POMT1: variants seen among roughly 807,000 people sequenced by gnomAD.
POMT1 encodes the protein protein O-mannosyltransferase 1.
A neutral mutation model predicts 101.6 loss-of-function variants in POMT1; 85 were observed. That is an observed-to-expected ratio of 0.84 (90% CI 0.70 to 1.00). POMT1 has a LOEUF of 1.00. Among genes scored for constraint, POMT1 ranks in the 50% least tolerant of loss-of-function variants. POMT1 has a pLI of 0.00. For synonymous variants in POMT1, 371 were observed against 383.0 expected, an observed-to-expected ratio of 0.97 and a Z score of 0.37; for missense variants, 857 against 930.4, an observed-to-expected ratio of 0.92 and a Z score of 1.03.
intron 9 of POMT1, 83 bp downstream of exon 9, chr9:131,510,498 A>G: frequency 6.8e-7 from 1 of 1,471,918 alleles, no homozygotes; most frequent in South Asian, 1.1e-5. Flanking sequence ...CATCAAGTGA[A>G]CATTAGCACT....
chr9:131,519,247 A>G lies in POMT1; in HGVS notation c.1487-142A>G. Reference sequence around the variant, plus strand: ...CGGGCAGTCTTGGGTGTGGTGGGGAAAGCTAAGTGGAATGATGCGGTTCGA... The same window carrying G: ...CGGGCAGTCTTGGGTGTGGTGGGGAGAGCTAAGTGGAATGATGCGGTTCGA... On this transcript the variant is annotated intron_variant, in intron 15 of 19. Transcript: ENST00000402686. This position sits in a 1 kb window ranked among gnomAD's most constrained non-coding sequence, Gnocchi z 4.3. The G allele has an allele frequency of 1.0e-6, 1 of 955,142 alleles. No individual in the cohort carries two copies. Among genetic ancestry groups the G allele is most frequent in the Middle Eastern group, 2.1e-4 (1 of 4,856 alleles). The allele number at this position is 955,142 out of a possible 1,614,324, so 59.2% of individuals were successfully genotyped here. A position where few individuals can be genotyped will look rare whatever the true frequency, so the allele number is the denominator to read the frequency against.
chr9:131,520,367 G>GT (rs1335787835), intron 17 of POMT1, among the ~76,000 whole-genome samples, 174 bp downstream of exon 17: 1 of 152,276 alleles, frequency 6.6e-6, no homozygotes, highest in African/African-American at 2.4e-5. Flanking sequence ...GGAGCCAGGA[G>GT]TAGGGGTGTG....
intron 2 of POMT1, 149 bp from the exon 3 acceptor site, chr9:131,505,965 G>A (rs988925470): frequency 2.2e-5 from 23 of 1,059,158 alleles, no homozygotes; most frequent in Non-Finnish European, 3.0e-5. Context: ...TAATATTTGG[G>A]GATGGGAAAC....
chr9:131,521,614 G>T (rs1363793686), intron 18 of POMT1, 142 bp downstream of exon 18: 6 of 1,067,620 alleles, frequency 5.6e-6, no homozygotes, highest in Non-Finnish European at 8.3e-6. Context: ...ACAGGTGTGC[G>T]CTGAGCATTC....
chr9:131,505,685 A>G (rs1159489827), intron 2 of POMT1, among the ~76,000 whole-genome samples: 1 of 137,858 alleles, frequency 7.3e-6, no homozygotes, highest in South Asian at 2.3e-4. Flanking sequence ...GTTGATTCCC[A>G]CGTTTTCCTT....
At position 131,515,413 on chromosome 9, in the gene POMT1, C is replaced by T; in HGVS notation, c.1176-13C>T. The T allele has an allele frequency of 6.2e-7, 1 of 1,613,576 alleles. No individual in the cohort carries two copies. On this transcript the variant is annotated splice_polypyrimidine_tract_variant and intron_variant, in intron 12 of 19. Transcript: ENST00000402686. ...TCAAGGAATTTTCTGAAATCTCGGT[C>T]TTGGTTTTCCAGGCATGATGTTGCA...
At chr9:131,514,841 A>G (rs1947945276) in intron 12 of POMT1, among the ~76,000 whole-genome samples, 1 of 152,232 alleles carries the variant, frequency 6.6e-6, no homozygotes, top group African/African-American at 2.4e-5. Context: ...CTGTAATCCC[A>G]GCTAGACAGG....
chr9:131,509,870 C>G lies in POMT1; in HGVS notation c.606-33C>G, dbSNP rs553914588. ...TCCATCTCCTTATGTTTTCCTGTCT[C>G]ATGTTAACTCCATTTCTGTCATGTC... On this transcript the variant is annotated intron_variant, in intron 7 of 19. Transcript: ENST00000402686. 15 of 1,614,210 alleles carry G rather than the reference C, an allele frequency of 9.3e-6. 1 individual carries two copies. Among genetic ancestry groups the G allele is most frequent in the South Asian group, 2.2e-5 (2 of 91,086 alleles).
intron 2 of POMT1, among the ~76,000 whole-genome samples, chr9:131,505,807 C>T (rs1311523859): frequency 6.6e-6 from 1 of 152,084 alleles, no homozygotes; most frequent in African/African-American, 2.4e-5. Flanking sequence ...CCTTGCGTCC[C>T]AGGAGGTCTT....
chr9:131,510,662 C>A, intron 9 of POMT1: 1 of 532,914 alleles, frequency 1.9e-6, no homozygotes, highest in South Asian at 2.0e-5. Flanking sequence ...TGCAACCACA[C>A]CCAGCTAATT....
chr9:131,521,378 C>T lies in POMT1; in HGVS notation c.1731C>T (p.Ile577=), dbSNP rs1323654919. 1.2e-6 allele frequency: 2 copies of T among 1,614,074 alleles called. No individual in the cohort carries two copies. Among genetic ancestry groups the T allele is most frequent in the African/African-American group, 1.3e-5 (1 of 74,932 alleles). ...TCCACCTACTTGGAAACATAGTGAT[C>T]TGGGTTTCGGGCAGCCTCGCTCTGG... ...AQIHLLGNIV[I]WVSGSLALAI... The change falls in exon 18 of 20, where the codon ATC becomes ATT. Residue 577 remains isoleucine, a synonymous_variant. Transcript: ENST00000402686.
chr9:131,504,087 T>C, intron 1 of POMT1, 102 bp from the exon 2 acceptor site: 1 of 1,390,898 alleles, frequency 7.2e-7, no homozygotes, highest in Non-Finnish European at 1.0e-6. Context: ...AGCCCGGCTG[T>C]GCTGTGGTTC....
At chr9:131,521,246 C>T (rs1949856544) in intron 17 of POMT1, 100 bp from the exon 18 acceptor site, 1 of 1,553,752 alleles carries the variant, frequency 6.4e-7, no homozygotes. Flanking sequence ...TTTCACTCTG[C>T]TAAAGTAGTG....
At position 131,506,420 on chromosome 9, in the gene POMT1, G is replaced by C; in HGVS notation, c.247G>C (p.Asp83His). ...LALGGYLGGFDGNFLWNRIGA... is the reference protein window; with the variant it reads ...LALGGYLGGFHGNFLWNRIGA... Reference sequence around the variant, plus strand: ...TGTTTCAGGTTATTTAGGAGGATTCGATGGCAATTTTTTGTGGAACAGAAT... The same window carrying C: ...TGTTTCAGGTTATTTAGGAGGATTCCATGGCAATTTTTTGTGGAACAGAAT... Residue 83 changes from aspartate to histidine, a missense_variant, in exon 4 of 20, where the codon GAT becomes CAT. Coordinates refer to ENST00000402686, the MANE Select transcript of POMT1 (RefSeq NM_001077365.2). 6.2e-7 allele frequency: 1 copy of C among 1,613,078 alleles called. No individual in the cohort carries two copies. The highest frequency in any genetic ancestry group is 1.3e-5 in the African/African-American group (1 of 75,012).
In POMT1 at chr9:131,520,196, A is replaced by C; in HGVS notation, c.1698+3A>C. The C allele has an allele frequency of 6.2e-7, 1 of 1,609,148 alleles. No individual in the cohort carries two copies. Among genetic ancestry groups the C allele is most frequent in the South Asian group, 1.1e-5 (1 of 90,994 alleles). ...ACTGGCTGCACCCCAGGACCAGCGT[A>C]AGCGAGCGATGCTGACAGCTGACAG... is the stretch of plus-strand genomic sequence containing the variant. On this transcript the variant is annotated splice_donor_region_variant and intron_variant, in intron 17 of 19. Transcript: ENST00000402686.
Position 131,508,910 on chromosome 9 carries a change from G to A in POMT1, c.428-1G>A. 6.2e-7 allele frequency: 1 copy of A among 1,603,450 alleles called. No individual in the cohort carries two copies. Among genetic ancestry groups the A allele is most frequent in the Non-Finnish European group, 8.5e-7 (1 of 1,170,298 alleles). On this transcript the variant is annotated splice_acceptor_variant, in intron 5 of 19. Transcript: ENST00000402686. LOFTEE classifies it high-confidence loss of function. ...TGACATGTGTTTCCTCTTTGAAACA[G>A]AGAATGCTCTCATCACTCAGTCAAG...
Position 131,507,419 on chromosome 9 carries a change from C to T in POMT1, c.332C>T (p.Ala111Val), listed in dbSNP as rs371531181. Reference protein sequence around the residue: ...VWSLRLLPALAGALSVPMAYQ... With the variant: ...VWSLRLLPALVGALSVPMAYQ... Reference sequence around the variant, plus strand: ...TCCCTGCGCCTGCTGCCAGCACTCGCGGGGGCCTTGTCGGTCCCCATGGCC... The same window carrying T: ...TCCCTGCGCCTGCTGCCAGCACTCGTGGGGGCCTTGTCGGTCCCCATGGCC... The change falls in exon 5 of 20, where the codon GCG becomes GTG. Residue 111 changes from alanine to valine, a missense_variant. Coordinates refer to ENST00000402686, the MANE Select transcript of POMT1 (RefSeq NM_001077365.2). 2.8e-5 allele frequency: 45 copies of T among 1,614,090 alleles called. No individual in the cohort carries two copies. The highest frequency in any genetic ancestry group is 5.3e-5 in the African/African-American group (4 of 74,930).
rs115607496 is a variant in POMT1, at chr9:131,512,251, C to T, written c.1082+115C>T. 6.8e-4 allele frequency: 1,035 copies of T among 1,526,810 alleles called. 2 individuals are homozygous for T. The African/African-American group carries it at 0.011, about 16-fold the overall frequency. 94.6% of individuals were successfully genotyped at this position (1,526,810 alleles called of 1,614,324 possible). On this transcript the variant is annotated intron_variant, in intron 11 of 19. Coordinates refer to ENST00000402686, the MANE Select transcript of POMT1 (RefSeq NM_001077365.2). ...TCCCTCCCTCACTGACTCTAGTCAC[C>T]GTCATGGCCTTGAACACCAGCTCAG... is the stretch of plus-strand genomic sequence containing the variant.
At chr9:131,510,576 G>A in intron 9 of POMT1, 161 bp downstream of exon 9, 3 of 1,027,998 alleles carry the variant, frequency 2.9e-6, no homozygotes, top group South Asian at 1.4e-5. Flanking sequence ...GTCTTACTCT[G>A]TCACCCAAAC....
Sources: gnomAD v4.1 joint callset for allele counts (sites outside exome capture counted in the v4.1 genomes callset) on GRCh38, gnomAD v4.1.1 for gene constraint, Gnocchi (gnomAD v3.1) non-coding constraint, MANE v1.5 for transcripts, NCBI Gene and HGNC (gene_info 2026-07-23, HGNC 2026-07-21) for gene names.